The following ADGRE5 variants were observed in gnomAD, a reference collection of about 807,000 sequenced individuals.
ADGRE5 encodes adhesion G protein-coupled receptor E5, also known as CD97 molecule.
A neutral mutation model predicts 100.3 loss-of-function variants in ADGRE5; 72 were observed. That is an observed-to-expected ratio of 0.72 (90% confidence interval 0.59 to 0.87). The LOEUF (loss-of-function observed/expected upper bound fraction) is 0.87, where lower values mean the gene tolerates loss of function less well. ADGRE5 is among the 40% of genes least tolerant of loss of function. The pLI is 0.00. For synonymous variants in ADGRE5, 439 were observed against 447.8 expected (o/e 0.98, Z 0.25); for missense variants, 959 against 1,094.7 (o/e 0.88, Z 1.75).
chr19:14,388,666 C>A (rs750019355), intron 2 of ADGRE5, 36 bp from the exon 3 acceptor site: 13 of 1,609,154 alleles, frequency 8.1e-6, no homozygotes, highest in Non-Finnish European at 1.1e-5. Flanking sequence ...TATTCCCTTA[C>A]CCCTCACCTT....
chr19:14,402,528 T>A lies in ADGRE5; in HGVS notation c.1184-69T>A, dbSNP rs1192119309. The A allele has an allele frequency of 1.9e-6, 3 of 1,552,346 alleles. No homozygotes were observed. In the African/African-American group the frequency reaches 4.1e-5, roughly 21 times the overall value. On this transcript the variant is annotated intron_variant, in intron 11 of 19. Coordinates refer to ENST00000242786, the MANE Select transcript of ADGRE5 (RefSeq NM_078481.4). ...GACTGGCTGAGCCTGAGCTGGGTCA[T>A]CTTGGGAGGGAGGATAGAGCATGGG...
At chr19:14,383,754 C>G (rs781299556) in intron 1 of ADGRE5, among the ~76,000 whole-genome samples, 1 of 151,502 alleles carries the variant, frequency 6.6e-6, no homozygotes, top group Admixed American at 6.6e-5. Flanking sequence ...CTTCCAAGGC[C>G]CCAGATGGAG....
At chr19:14,404,622 C>T (rs965487483) in intron 13 of ADGRE5, 60 bp downstream of exon 13, 11 of 1,508,382 alleles carry the variant, frequency 7.3e-6, no homozygotes, top group Admixed American at 4.0e-5. Context: ...TGCAACCAGA[C>T]AGGCAGCTAG....
intron 9 of ADGRE5, among the ~76,000 whole-genome samples, chr19:14,400,309 C>T (rs922578388): frequency 6.6e-6 from 1 of 151,964 alleles, no homozygotes; most frequent in Non-Finnish European, 1.5e-5. Flanking sequence ...TGTGAGCCAC[C>T]GCGCCCAGCC....
intron 12 of ADGRE5, 52 bp from the exon 13 acceptor site, chr19:14,404,331 C>G (rs1477314605): frequency 3.9e-6 from 6 of 1,548,456 alleles, no homozygotes; most frequent in Non-Finnish European, 5.2e-6. Flanking sequence ...AAGCCCAGGA[C>G]CTAAGAGTGA....
rs548925052 is a variant in ADGRE5 at position 14,385,177 on chromosome 19, A to AT, written c.23-3267dup. ...AGGCGTGTGCCACCATGCCCGGCTA[A>AT]TTTTTTGTATTTTTAGTAGAGATGG... is the stretch of plus-strand genomic sequence containing the variant. On this transcript the variant is annotated intron_variant, in intron 1 of 19. Coordinates refer to ENST00000242786, the MANE Select transcript of ADGRE5 (RefSeq NM_078481.4). Among the ~76,000 whole-genome samples the AT allele has an allele frequency of 6.2e-3, 924 of 150,152 alleles. 11 individuals carry two copies. The highest frequency in any genetic ancestry group is 0.022 in the African/African-American group (879 of 40,826).
intron 1 of ADGRE5, among the ~76,000 whole-genome samples, chr19:14,385,551 C>T (rs1383855207): frequency 6.6e-6 from 1 of 152,144 alleles, no homozygotes; most frequent in East Asian, 1.9e-4. Flanking sequence ...GGAGGGGGAA[C>T]CCCCTGAGTG....
chr19:14,390,342 G>A (rs943838362), intron 3 of ADGRE5, among the ~76,000 whole-genome samples: 1 of 108,328 alleles, frequency 9.2e-6, no homozygotes, highest in East Asian at 2.6e-4. Context: ...TTTTTTTTTT[G>A]AGACAGAGTC....
chr19:14,385,010 C>CTTTTTTTTTTTTTTT (rs56960989), intron 1 of ADGRE5, among the ~76,000 whole-genome samples: 4 of 68,690 alleles, frequency 5.8e-5, no homozygotes, highest in Non-Finnish European at 7.7e-5. Context: ...GACTCTTGCT[C>CTTTTTTTTTTTTTTT]TTTTTTTTTT....
At chr19:14,400,785 T>C (rs1975978292) in intron 9 of ADGRE5, among the ~76,000 whole-genome samples, 4 of 151,800 alleles carry the variant, frequency 2.6e-5, no homozygotes, top group Admixed American at 2.0e-4. Flanking sequence ...GAGTGAGACT[T>C]AGTCTCAGAT....
chr19:14,398,424 C>T (rs796580092), intron 9 of ADGRE5: 24 of 384,878 alleles, frequency 6.2e-5, no homozygotes, highest in African/African-American at 3.9e-4. Flanking sequence ...AATCCCAGCA[C>T]TTTGGAAGGC....
chr19:14,398,120 C>T lies in ADGRE5; in HGVS notation c.878C>T (p.Ser293Leu), dbSNP rs1166172799. The T allele has an allele frequency of 1.9e-6, 3 of 1,614,038 alleles. No homozygotes were observed. The highest frequency in any genetic ancestry group is 2.5e-6 in the Non-Finnish European group (3 of 1,180,022). ...QDLGRDSKTS[S>L]AEVTIQNVIK... ...CTGGGCAGAGACTCCAAGACAAGCTCAGCCGAGGTCACCATCCAGGTAAGG... is the reference window on the plus strand; with the variant it reads ...CTGGGCAGAGACTCCAAGACAAGCTTAGCCGAGGTCACCATCCAGGTAAGG... The change falls in exon 9 of 20, where the codon TCA becomes TTA. Residue 293 changes from serine to leucine, a missense_variant. This residue lies in a region of ADGRE5 where 69 missense variants were observed against 135.0 expected (regional missense o/e 0.51). Coordinates refer to ENST00000242786, the MANE Select transcript of ADGRE5 (RefSeq NM_078481.4).
At position 14,406,848 on chromosome 19, in the gene ADGRE5, C is replaced by T. The variant is rs1299477179; in HGVS notation, c.2116-21C>T. Reference sequence around the variant, plus strand: ...GGACCATCGCTCTCGCCCTCTAACCCACAATCTGCTCCCTGCCCAGTGCAA... The same window carrying T: ...GGACCATCGCTCTCGCCCTCTAACCTACAATCTGCTCCCTGCCCAGTGCAA... On this transcript the variant is annotated intron_variant, in intron 16 of 19. Transcript: ENST00000242786. The surrounding 1 kb of genome is among the most constrained non-coding windows in gnomAD (Gnocchi z 6.0). 6.2e-7 allele frequency: 1 copy of T among 1,613,306 alleles called. No individual in the cohort carries two copies. The highest frequency in any genetic ancestry group is 1.3e-5 in the African/African-American group (1 of 75,046).
intron 4 of ADGRE5, chr19:14,391,384 A>T (rs1379355224): frequency 2.7e-6 from 1 of 363,684 alleles, no homozygotes; most frequent in Admixed American, 4.1e-5. Context: ...CATGCTTGTA[A>T]TTCCAGTGCT....
chr19:14,399,926 A>G (rs1975943685), intron 9 of ADGRE5, among the ~76,000 whole-genome samples: 1 of 151,684 alleles, frequency 6.6e-6, no homozygotes, highest in African/African-American at 2.4e-5. Context: ...TCCATTCTCA[A>G]CCTCCTGGGC....
At chr19:14,404,291 A>T in intron 12 of ADGRE5, 92 bp from the exon 13 acceptor site, 1 of 1,163,352 alleles carries the variant, frequency 8.6e-7, no homozygotes, top group Non-Finnish European at 1.2e-6. Context: ...ATACTCATCT[A>T]GTAAAAAGCA....
chr19:14,386,175 C>T (rs930520606), intron 1 of ADGRE5, among the ~76,000 whole-genome samples: 8 of 151,396 alleles, frequency 5.3e-5, no homozygotes, highest in Admixed American at 3.3e-4. Context: ...GTCAGGAGAT[C>T]GAAACCATCC....
At chr19:14,386,108 G>A (rs1385603476) in intron 1 of ADGRE5, among the ~76,000 whole-genome samples, 2 of 151,974 alleles carry the variant, frequency 1.3e-5, no homozygotes, top group African/African-American at 4.8e-5. Context: ...AAGATGGCAG[G>A]CAGGGCCTGG....
intron 4 of ADGRE5, among the ~76,000 whole-genome samples, chr19:14,391,829 G>A (rs1975610305): frequency 1.3e-5 from 2 of 152,074 alleles, no homozygotes; most frequent in Admixed American, 1.3e-4. Context: ...CGGGCGCAGT[G>A]GCTCACACCT....
Sources: gnomAD v4.1 joint callset for allele counts (sites outside exome capture counted in the v4.1 genomes callset) on GRCh38, gnomAD v4.1.1 for gene constraint, gnomAD v4.1.1 regional missense constraint, Gnocchi (gnomAD v3.1) non-coding constraint, MANE v1.5 for transcripts, NCBI Gene and HGNC (gene_info 2026-07-23, HGNC 2026-07-21) for gene names.